The following ATP1B2 variants were observed in gnomAD, a reference collection of about 807,000 sequenced individuals.
The protein encoded by ATP1B2 is sodium/potassium-transporting ATPase subunit beta-2.
ATP1B2 carries 12 observed loss-of-function variants against 37.3 expected under a neutral mutation model. The ratio of observed to expected loss-of-function variants is 0.32; its 90% CI spans 0.21 to 0.52. The LOEUF is 0.52. Ranked by LOEUF, ATP1B2 falls within the 20% of genes least tolerant of loss-of-function variation. The pLI, the probability that ATP1B2 is intolerant of heterozygous loss-of-function variation, is 0.96. For missense variants in ATP1B2, 324 were observed against 391.6 expected (o/e 0.83, Z 1.46); for synonymous variants, 139 against 140.5 (o/e 0.99, Z 0.07).
upstream of ATP1B2, among the ~76,000 whole-genome samples, chr17:7,650,355 T>C (rs1487425006): frequency 4.6e-5 from 7 of 152,036 alleles, no homozygotes; most frequent in African/African-American, 1.7e-4. Context: ...ACAGGGGCTG[T>C]GAGATTGGAG....
In ATP1B2 at chr17:7,653,907, G is replaced by T; in HGVS notation, c.308G>T (p.Trp103Leu). The change falls in exon 3 of 7, where the codon TGG (tryptophan) becomes TTG (leucine). Residue 103 changes from tryptophan (W) to leucine (L), a missense_variant. Trp to Leu is a moderately conservative substitution (Grantham distance 61). Transcript: ENST00000250111. ...GTCAATGTCAGTGACACTGAAAGCT[G>T]GGACCAGCATGTTCAGAAGCTCAAC... ...VIVNVSDTESWDQHVQKLNKF... is the reference protein window; with the variant it reads ...VIVNVSDTESLDQHVQKLNKF... 6.2e-7 allele frequency: 1 copy of T among 1,614,154 alleles called. No homozygotes were observed. The highest frequency in any genetic ancestry group is 1.6e-4 in the Middle Eastern group (1 of 6,062).
Position 7,655,689 on chromosome 17 carries a change from C to T in ATP1B2, c.709-42C>T, listed in dbSNP as rs767443988. 2.2e-5 allele frequency: 35 copies of T among 1,613,666 alleles called. No homozygotes were observed. In the East Asian group the frequency reaches 4.0e-4, roughly 18 times the overall value. ...GGTGGTGAGCTAGGGAAGGAGGCCGCGTTGCCCCAGGCCTAGACCCTGCAC... is the reference window on the plus strand; with the variant it reads ...GGTGGTGAGCTAGGGAAGGAGGCCGTGTTGCCCCAGGCCTAGACCCTGCAC... On this transcript the variant is annotated intron_variant, in intron 6 of 6. Coordinates refer to ENST00000250111, the MANE Select transcript of ATP1B2 (RefSeq NM_001678.5). This position sits in a 1 kb window ranked among gnomAD's most constrained non-coding sequence, Gnocchi z 4.4.
In ATP1B2 at chr17:7,654,138, T is replaced by G; in HGVS notation, c.433T>G (p.Tyr145Asp). 1 of 1,614,120 alleles carries G rather than the reference T, an allele frequency of 6.2e-7. No homozygotes were observed. The highest frequency in any genetic ancestry group is 1.1e-5 in the South Asian group (1 of 91,082). Residue 145 changes from tyrosine to aspartate, a missense_variant, in exon 4 of 7, where the codon TAC becomes GAC. By Grantham distance (160) the Tyr-to-Asp change is radical. Coordinates refer to ENST00000250111, the MANE Select transcript of ATP1B2 (RefSeq NM_001678.5). This position sits in a 1 kb window ranked among gnomAD's most constrained non-coding sequence, Gnocchi z 4.9. ...YEQPDNGVLN[Y>D]PKRACQFNRT... is the part of the protein sequence containing the mutation. Reference sequence around the variant, plus strand: ...ACAGCCAGATAATGGAGTCCTCAACTACCCCAAACGTGCCTGCCAATTCAA... The same window carrying G: ...ACAGCCAGATAATGGAGTCCTCAACGACCCCAAACGTGCCTGCCAATTCAA...
At chr17:7,653,543 C>T (rs762155123) in intron 2 of ATP1B2, 41 bp downstream of exon 2, 2 of 1,609,022 alleles carry the variant, frequency 1.2e-6, no homozygotes, top group African/African-American at 2.7e-5. Flanking sequence ...TCTAACTGCT[C>T]TTGTGCCCCC....
In ATP1B2 at chr17:7,654,819, G is replaced by T. The variant is rs753252562; in HGVS notation, c.609+135G>T. On this transcript the variant is annotated intron_variant, in intron 5 of 6. Coordinates refer to ENST00000250111, the MANE Select transcript of ATP1B2 (RefSeq NM_001678.5). The surrounding 1 kb of genome is among the most constrained non-coding windows in gnomAD (Gnocchi z 4.9). ...GCCCCATCACCATAGAAACAAGGGGGTAAGAGTGGGCTTTTGGGCTCCACT... is the reference window on the plus strand; with the variant it reads ...GCCCCATCACCATAGAAACAAGGGGTTAAGAGTGGGCTTTTGGGCTCCACT... The T allele has an allele frequency of 6.9e-6, 7 of 1,016,530 alleles. No individual in the cohort carries two copies. The African/African-American group carries it at 1.1e-4, about 16-fold the overall frequency. 63.0% of individuals were successfully genotyped at this position (1,016,530 alleles called of 1,614,324 possible).
In ATP1B2 at chr17:7,655,669, T is replaced by TA. The variant is rs1567533007; in HGVS notation, c.708+44_708+45insA. 3.7e-6 allele frequency: 6 copies of TA among 1,613,870 alleles called. No individual in the cohort carries two copies. Among genetic ancestry groups the TA allele is most frequent in the Non-Finnish European group, 5.1e-6 (6 of 1,179,898 alleles). The stretch of plus-strand genomic sequence containing the variant: ...CCAGGCTGATGGCGGGTGCGGGTGG[T>TA]GAGCTAGGGAAGGAGGCCGCGTTGC... On this transcript the variant is annotated intron_variant, in intron 6 of 6. Transcript: ENST00000250111. The surrounding 1 kb of genome is among the most constrained non-coding windows in gnomAD (Gnocchi z 4.4).
chr17:7,654,103 G>A lies in ATP1B2; in HGVS notation c.398G>A (p.Arg133His), dbSNP rs1467435395. ...AQKNDVCRPG[R>H]YYEQPDNGVL... ...AAGAATGATGTCTGCCGCCCTGGAC[G>A]CTATTACGAACAGCCAGATAATGGA... The change falls in exon 4 of 7, where the codon CGC becomes CAC. Residue 133 changes from arginine (R) to histidine (H), a missense_variant. Coordinates refer to ENST00000250111, the MANE Select transcript of ATP1B2 (RefSeq NM_001678.5). This position sits in a 1 kb window ranked among gnomAD's most constrained non-coding sequence, Gnocchi z 4.9. The A allele has an allele frequency of 3.7e-6, 6 of 1,614,048 alleles. No homozygotes were observed. The highest frequency in any genetic ancestry group is 5.1e-6 in the Non-Finnish European group (6 of 1,180,052).
Position 7,657,255 on chromosome 17 carries a change from C to G in ATP1B2, c.*1360C>G, listed in dbSNP as rs1049001031. 2.6e-5 allele frequency: 4 copies of G among 152,206 alleles called. No homozygotes were observed. Among genetic ancestry groups the G allele is most frequent in the Non-Finnish European group, 4.4e-5 (3 of 68,076 alleles). 9.4% of individuals were successfully genotyped at this position (152,206 alleles called of 1,614,324 possible). A position where few individuals can be genotyped will look rare whatever the true frequency, so the allele number is the denominator to read the frequency against. ...CAGATCTGCCCCCACCATCCTTTCT[C>G]TGGCTTCTTTTAGCAAGTTATCAAC... On this transcript the variant is annotated 3_prime_UTR_variant, in exon 7 of 7. Coordinates refer to ENST00000250111, the MANE Select transcript of ATP1B2 (RefSeq NM_001678.5).
chr17:7,654,804 C>T lies in ATP1B2; in HGVS notation c.609+120C>T. On this transcript the variant is annotated intron_variant, in intron 5 of 6. Coordinates refer to ENST00000250111, the MANE Select transcript of ATP1B2 (RefSeq NM_001678.5). This position sits in a 1 kb window ranked among gnomAD's most constrained non-coding sequence, Gnocchi z 4.9. ...TCTTTGCTCCTAGAGGCCCCATCAC[C>T]ATAGAAACAAGGGGGTAAGAGTGGG... 8.2e-7 allele frequency: 1 copy of T among 1,216,496 alleles called. No homozygotes were observed. Among genetic ancestry groups the T allele is most frequent in the Non-Finnish European group, 1.2e-6 (1 of 837,696 alleles). 75.4% of individuals were successfully genotyped at this position (1,216,496 alleles called of 1,614,324 possible).
In ATP1B2 at chr17:7,656,012, T is replaced by C. The variant is rs1244735632; in HGVS notation, c.*117T>C. On this transcript the variant is annotated 3_prime_UTR_variant, in exon 7 of 7. Transcript: ENST00000250111. ...TTTTTGATAACAGAGCTATGACTTG[T>C]CTGAGCCTCACATCCTTTTCCTTGA... The C allele has an allele frequency of 2.9e-6, 4 of 1,361,432 alleles. No individual in the cohort carries two copies. The highest frequency in any genetic ancestry group is 3.0e-6 in the Non-Finnish European group (3 of 999,854). 84.3% of individuals were successfully genotyped at this position (1,361,432 alleles called of 1,614,324 possible).
upstream of ATP1B2, among the ~76,000 whole-genome samples, chr17:7,650,095 C>T (rs1192395219): frequency 6.6e-6 from 1 of 152,158 alleles, no homozygotes; most frequent in Non-Finnish European, 1.5e-5. Context: ...CTCTGGCCTC[C>T]CCAGGGCTAC....
rs756807689 is a variant in ATP1B2 at position 7,651,643 on chromosome 17, G to C, written c.112+13G>C. On this transcript the variant is annotated intron_variant, in intron 1 of 6. Coordinates refer to ENST00000250111, the MANE Select transcript of ATP1B2 (RefSeq NM_001678.5). ...GGGACCAGCTGGGGTACGCAGGGCC[G>C]GCACGCAAGGGGCGGGGGAAAGCCG... is the stretch of plus-strand genomic sequence containing the variant. 22 of 1,579,276 alleles carry C rather than the reference G, an allele frequency of 1.4e-5. No individual in the cohort carries two copies. The highest frequency in any genetic ancestry group is 1.9e-4 in the Middle Eastern group (1 of 5,196).
Position 7,654,166 on chromosome 17 carries a change from G to T in ATP1B2, c.461G>T (p.Arg154Leu). 6.2e-7 allele frequency: 1 copy of T among 1,614,154 alleles called. No individual in the cohort carries two copies. The highest frequency in any genetic ancestry group is 8.5e-7 in the Non-Finnish European group (1 of 1,180,036). The change falls in exon 4 of 7, where the codon CGG becomes CTG. Residue 154 changes from arginine (R) to leucine (L), a missense_variant. Arg to Leu is a moderately radical substitution (Grantham distance 102). Transcript: ENST00000250111. The surrounding 1 kb of genome is among the most constrained non-coding windows in gnomAD (Gnocchi z 4.9). ...CCCAAACGTGCCTGCCAATTCAACC[G>T]GACCCAGCTGGGCAACTGCTCCGGC... ...NYPKRACQFN[R>L]TQLGNCSGIG...
At chr17:7,653,003 T>C (rs929892785) in intron 1 of ATP1B2, among the ~76,000 whole-genome samples, 1 of 152,302 alleles carries the variant, frequency 6.6e-6, no homozygotes, top group African/African-American at 2.4e-5. Context: ...GTACCCGCTT[T>C]AAAAGGCACC....
At position 7,656,544 on chromosome 17, in the gene ATP1B2, C is replaced by T. The variant is rs116741402; in HGVS notation, c.*649C>T. ...GTGGCCTTTTCCCTCTTTGCTGGCACGTTCTGCTTCTCACCCTCTGGTGAC... is the reference window on the plus strand; with the variant it reads ...GTGGCCTTTTCCCTCTTTGCTGGCATGTTCTGCTTCTCACCCTCTGGTGAC... On this transcript the variant is annotated 3_prime_UTR_variant, in exon 7 of 7. Coordinates refer to ENST00000250111, the MANE Select transcript of ATP1B2 (RefSeq NM_001678.5). 750 of 153,254 alleles carry T rather than the reference C, an allele frequency of 4.9e-3. 6 individuals carry two copies. Among genetic ancestry groups the T allele is most frequent in the African/African-American group, 0.017 (708 of 41,554 alleles). The allele number at this position is 153,254 out of a possible 1,614,324, so 9.5% of individuals were successfully genotyped here. A position where few individuals can be genotyped will look rare whatever the true frequency, so the allele number is the denominator to read the frequency against.
intron 1 of ATP1B2, among the ~76,000 whole-genome samples, chr17:7,653,107 T>C (rs2150977880): frequency 6.6e-6 from 1 of 152,236 alleles, no homozygotes; most frequent in African/African-American, 2.4e-5. Context: ...GGAAATGTAA[T>C]TGGAGGCAAA....
In ATP1B2 at chr17:7,657,423, A is replaced by G. The variant is rs1226397289; in HGVS notation, c.*1528A>G. ...AAAAACAAAAAAACCCATAATGCCC[A>G]CAGAATGTCAAATGAGGGGCCTCCT... On this transcript the variant is annotated 3_prime_UTR_variant, in exon 7 of 7. Coordinates refer to ENST00000250111, the MANE Select transcript of ATP1B2 (RefSeq NM_001678.5). The G allele has an allele frequency of 6.6e-6, 1 of 152,118 alleles. No individual in the cohort carries two copies. The highest frequency in any genetic ancestry group is 1.5e-5 in the Non-Finnish European group (1 of 68,126). The allele number at this position is 152,118 out of a possible 1,614,324, so 9.4% of individuals were successfully genotyped here.
At chr17:7,647,771 A>G, upstream of ATP1B2, among the ~76,000 whole-genome samples, 1 of 151,688 alleles carries the variant, frequency 6.6e-6, no homozygotes, top group Non-Finnish European at 1.5e-5. Flanking sequence ...GCGAGCCAAG[A>G]TCGCGCCATT....
chr17:7,653,593 G>C (rs1445276148), intron 2 of ATP1B2, 91 bp downstream of exon 2: 1 of 1,542,274 alleles, frequency 6.5e-7, no homozygotes, highest in South Asian at 1.2e-5. Flanking sequence ...CCAGGAGTTT[G>C]ATTTTGATGA....
Sources: gnomAD v4.1 joint callset for allele counts (sites outside exome capture counted in the v4.1 genomes callset) on GRCh38, gnomAD v4.1.1 for gene constraint, Gnocchi (gnomAD v3.1) non-coding constraint, MANE v1.5 for transcripts, NCBI Gene and HGNC (gene_info 2026-07-23, HGNC 2026-07-21) for gene names.